The following TMTC1 variants were observed in gnomAD, a reference collection of about 807,000 sequenced individuals.
TMTC1 encodes the protein transmembrane O-mannosyltransferase targeting cadherins 1.
Under a neutral mutation model 104.8 loss-of-function variants are expected in TMTC1, and 73 were observed. That is an observed-to-expected ratio of 0.70 (90% CI 0.58 to 0.85). TMTC1 has a LOEUF of 0.85. Ranked by LOEUF, TMTC1 falls within the 40% of genes least tolerant of loss-of-function variation. The pLI is 0.00. For missense variants in TMTC1, 1,035 were observed against 1,096.1 expected (o/e 0.94, Z 0.79); for synonymous variants, 434 against 428.7 (o/e 1.01, Z -0.15).
chr12:29,682,925 G>A (rs569924556), intron 5 of TMTC1, among the ~76,000 whole-genome samples: 1 of 152,278 alleles, frequency 6.6e-6, no homozygotes, highest in East Asian at 1.9e-4. Flanking sequence ...TTATGATATT[G>A]TACTATAGCT....
chr12:29,627,348 T>C (rs934054163), intron 6 of TMTC1, among the ~76,000 whole-genome samples: 2 of 152,080 alleles, frequency 1.3e-5, no homozygotes, highest in African/African-American at 4.8e-5. Flanking sequence ...AATAAACATA[T>C]GAAAGGATGC....
intron 11 of TMTC1, among the ~76,000 whole-genome samples, chr12:29,524,150 T>C (rs895481126): frequency 1.3e-5 from 2 of 152,216 alleles, no homozygotes; most frequent in Non-Finnish European, 1.5e-5. Context: ...AATGGCTGTA[T>C]GTAACCATTG....
chr12:29,638,983 G>A (rs550297185), intron 5 of TMTC1, among the ~76,000 whole-genome samples: 1 of 152,282 alleles, frequency 6.6e-6, no homozygotes, highest in East Asian at 1.9e-4. Context: ...ACTGTCTTTA[G>A]CATCTTCTTC....
At chr12:29,588,830 T>C (rs1946207476) in intron 7 of TMTC1, among the ~76,000 whole-genome samples, 1 of 152,202 alleles carries the variant, frequency 6.6e-6, no homozygotes, top group Non-Finnish European at 1.5e-5. Flanking sequence ...CCTTTATTAA[T>C]GTTTAACCCA....
At chr12:29,694,812 T>C (rs1217936373) in intron 5 of TMTC1, among the ~76,000 whole-genome samples, 1 of 152,078 alleles carries the variant, frequency 6.6e-6, no homozygotes, top group Non-Finnish European at 1.5e-5. Context: ...TGATGGTGGG[T>C]GCCTGTAATC....
At chr12:29,721,981 G>A (rs1364051404) in intron 5 of TMTC1, among the ~76,000 whole-genome samples, 1 of 151,890 alleles carries the variant, frequency 6.6e-6, no homozygotes, top group Non-Finnish European at 1.5e-5. Context: ...CTTAACATCT[G>A]GCTTAATAGA....
At chr12:29,675,024 T>C (rs1591908155) in intron 5 of TMTC1, among the ~76,000 whole-genome samples, 2 of 152,356 alleles carry the variant, frequency 1.3e-5, no homozygotes, top group South Asian at 4.1e-4. Flanking sequence ...AGTGTTGCTA[T>C]ATTTCCAGTC....
intron 7 of TMTC1, among the ~76,000 whole-genome samples, chr12:29,584,115 C>T (rs897507947): frequency 6.6e-6 from 1 of 152,198 alleles, no homozygotes; most frequent in Non-Finnish European, 1.5e-5. Context: ...GGAAAATCTA[C>T]CCACAGGCCG....
At chr12:29,659,364 C>T (rs1028202854) in intron 5 of TMTC1, among the ~76,000 whole-genome samples, 2 of 152,102 alleles carry the variant, frequency 1.3e-5, no homozygotes, top group Non-Finnish European at 2.9e-5. Context: ...AGATTAATGC[C>T]CTTCCTTGGA....
At chr12:29,595,325 A>G (rs1382275874) in intron 7 of TMTC1, among the ~76,000 whole-genome samples, 1 of 152,236 alleles carries the variant, frequency 6.6e-6, no homozygotes, top group Non-Finnish European at 1.5e-5. Flanking sequence ...TGGCCAGTGG[A>G]TCTCCAGCCC....
At chr12:29,746,586 A>G (rs1942961513) in intron 5 of TMTC1, among the ~76,000 whole-genome samples, 1 of 152,234 alleles carries the variant, frequency 6.6e-6, no homozygotes, top group Non-Finnish European at 1.5e-5. Flanking sequence ...AAAGGTCTAC[A>G]GCAATAAAAC....
chr12:29,605,301 TTAAC>T (rs978927913), intron 6 of TMTC1, among the ~76,000 whole-genome samples: 2 of 152,102 alleles, frequency 1.3e-5, no homozygotes, highest in African/African-American at 2.4e-5. Context: ...TACAAATACT[TTAAC>T]TATACAAAGT....
intron 6 of TMTC1, among the ~76,000 whole-genome samples, chr12:29,615,562 T>G (rs1359650498): frequency 6.6e-6 from 1 of 152,158 alleles, no homozygotes; most frequent in Non-Finnish European, 1.5e-5. Context: ...GAATGAGCTC[T>G]TCTAGGTGAA....
At chr12:29,708,004 A>G (rs1291497022) in intron 5 of TMTC1, among the ~76,000 whole-genome samples, 4 of 152,200 alleles carry the variant, frequency 2.6e-5, no homozygotes, top group African/African-American at 9.6e-5. Context: ...CTGCTGAGAA[A>G]CGAGGTACTC....
intron 6 of TMTC1, among the ~76,000 whole-genome samples, chr12:29,609,175 C>G (rs552909600): frequency 6.6e-6 from 1 of 152,192 alleles, no homozygotes; most frequent in East Asian, 1.9e-4. Context: ...ATTTAGGGTA[C>G]AAGTATGTTC....
intron 5 of TMTC1, among the ~76,000 whole-genome samples, chr12:29,682,289 T>C (rs1290301356): frequency 1.3e-5 from 2 of 152,214 alleles, no homozygotes; most frequent in Admixed American, 1.3e-4. Context: ...GGATCTCTCC[T>C]ATATTACCGT....
intron 5 of TMTC1, among the ~76,000 whole-genome samples, chr12:29,714,578 A>AG (rs1942026333): frequency 6.6e-6 from 1 of 152,232 alleles, no homozygotes; most frequent in African/African-American, 2.4e-5. Context: ...TTATCCACAC[A>AG]GTAAAAATCA....
At chr12:29,657,124 T>C (rs907969763) in intron 5 of TMTC1, among the ~76,000 whole-genome samples, 9 of 152,206 alleles carry the variant, frequency 5.9e-5, no homozygotes, top group Non-Finnish European at 1.2e-4. Context: ...TCAGGGAACA[T>C]GCTATGTCTA....
chr12:29,754,849 A>T (rs1375051422), intron 4 of TMTC1, among the ~76,000 whole-genome samples: 1 of 152,180 alleles, frequency 6.6e-6, no homozygotes, highest in African/African-American at 2.4e-5. Flanking sequence ...ACTCAATATC[A>T]CTGCTCTTAT....
Sources: allele counts gnomAD v4.1 joint callset (sites outside exome capture counted in the v4.1 genomes callset), GRCh38; gene constraint gnomAD v4.1.1; transcripts MANE v1.5; gene names NCBI Gene and HGNC (gene_info 2026-07-23, HGNC 2026-07-21).